Variants in FAAH2 observed in about 807,000 individuals in gnomAD.
The protein encoded by FAAH2 is fatty-acid amide hydrolase 2.
Under a neutral mutation model 36.9 loss-of-function variants are expected in FAAH2, and 60 were observed. That is an observed-to-expected ratio of 1.63 (90% CI 1.32 to 2.02). FAAH2 has a LOEUF of 2.02. Among genes scored for constraint, FAAH2 ranks in the 30% most tolerant of loss-of-function variants. The pLI, the probability that FAAH2 is intolerant of heterozygous loss-of-function variation, is 0.00. For synonymous variants in FAAH2, 214 were observed against 143.8 expected (o/e 1.49, Z -3.49); for missense variants, 689 against 397.5 (o/e 1.73, Z -6.23).
intron 10 of FAAH2, among the ~76,000 whole-genome samples, chrX:57,462,891 A>G (rs2056985307): frequency 1.8e-5 from 2 of 112,000 alleles, no homozygotes; most frequent in Non-Finnish European, 3.8e-5. Flanking sequence ...AGATGACATG[A>G]TTGTATATTT....
At chrX:57,452,453 C>A in intron 10 of FAAH2, 1 of 326,636 alleles carries the variant, frequency 3.1e-6, no homozygotes, top group Non-Finnish European at 4.0e-6. Flanking sequence ...GGTCACCTCC[C>A]CAATTGATAA....
intron 8 of FAAH2, among the ~76,000 whole-genome samples, chrX:57,443,186 G>C (rs2056600936): frequency 8.9e-6 from 1 of 111,757 alleles, no homozygotes; most frequent in South Asian, 3.7e-4. Flanking sequence ...AGTTCTCCTG[G>C]ATAATATCCT....
intron 5 of FAAH2, among the ~76,000 whole-genome samples, chrX:57,370,912 C>A (rs1402774605): frequency 9.0e-6 from 1 of 111,286 alleles, no homozygotes; most frequent in Non-Finnish European, 1.9e-5. Flanking sequence ...CATGAAACCA[C>A]TTCCTGGTGC....
intron 7 of FAAH2, among the ~76,000 whole-genome samples, chrX:57,419,066 C>T (rs2055932125): frequency 9.4e-6 from 1 of 106,806 alleles, no homozygotes; most frequent in Non-Finnish European, 1.9e-5. Context: ...TTTATGGCTG[C>T]ATAGTATTCC....
At chrX:57,240,437 A>T in the FAAH2 span, among the ~76,000 whole-genome samples, 4 of 111,069 alleles carry the variant, frequency 3.6e-5, no homozygotes, top group Non-Finnish European at 7.5e-5. Context: ...TGGCAACAAT[A>T]CTCCAATGGG....
rs1195662490 is a variant in FAAH2 at position 57,331,662 on chromosome X, G to A, written c.477G>A (p.Val159=). 8 of 1,210,461 alleles carry A rather than the reference G, an allele frequency of 6.6e-6. No individual in the cohort carries two copies. Among genetic ancestry groups the A allele is most frequent in the Admixed American group, 6.5e-5 (3 of 46,040 alleles). The change falls in exon 4 of 11, where the codon GTG becomes GTA. Residue 159 remains valine, a synonymous_variant. Transcript: ENST00000374900. The part of the protein sequence containing the change: ...RDAIAKTDAT[V]VALLKGAGAI... ...CCATTGCCAAAACAGATGCCACTGT[G>A]GTGGCATTACTGAAGGGAGCTGGTG...
chrX:57,460,837 A>G (rs1396094794), intron 10 of FAAH2, among the ~76,000 whole-genome samples: 1 of 112,151 alleles, frequency 8.9e-6, no homozygotes, highest in Non-Finnish European at 1.9e-5. Context: ...AAATGCCCCA[A>G]TTAAAAGACA....
At chrX:57,433,643 T>C (rs1401039404) in intron 8 of FAAH2, among the ~76,000 whole-genome samples, 2 of 112,131 alleles carry the variant, frequency 1.8e-5, no homozygotes, top group African/African-American at 6.5e-5. Context: ...CACTCTCTTG[T>C]TTTATAATAT....
At chrX:57,137,348 G>T in the FAAH2 span, 1 of 757,871 alleles carries the variant, frequency 1.3e-6, no homozygotes, top group Non-Finnish European at 1.6e-6. Flanking sequence ...GGGAGGGTAG[G>T]ATCCATAGAT....
At chrX:57,335,770 A>G (rs897877587) in intron 4 of FAAH2, among the ~76,000 whole-genome samples, 2 of 111,870 alleles carry the variant, frequency 1.8e-5, no homozygotes, top group Non-Finnish European at 3.8e-5. Context: ...AGACTATCAC[A>G]TGGGGAGAAA....
chrX:57,329,435 C>T (rs931986444), intron 3 of FAAH2, among the ~76,000 whole-genome samples: 11 of 110,685 alleles, frequency 9.9e-5, no homozygotes, highest in Admixed American at 1.9e-4. Context: ...TGCCTAGTTT[C>T]TGCCGGCAGC....
chrX:57,199,475 T>G, the FAAH2 span, among the ~76,000 whole-genome samples: 1 of 111,739 alleles, frequency 8.9e-6, no homozygotes, highest in Non-Finnish European at 1.9e-5. Context: ...TTTTGAATGC[T>G]TTAAGACTTG....
chrX:57,391,215 ATTAGAC>A (rs2055159565), intron 7 of FAAH2, among the ~76,000 whole-genome samples: 1 of 110,936 alleles, frequency 9.0e-6, no homozygotes, highest in Admixed American at 9.6e-5. Context: ...GACTGTGGAT[ATTAGAC>A]CATTTTCAGA....
the FAAH2 span, among the ~76,000 whole-genome samples, chrX:57,169,020 G>A: frequency 2.7e-5 from 3 of 111,067 alleles, no homozygotes; most frequent in South Asian, 1.1e-3. Context: ...TGCCATCAGG[G>A]TTGGTTTCTG....
the FAAH2 span, among the ~76,000 whole-genome samples, chrX:57,257,721 G>GCCAT: frequency 9.0e-6 from 1 of 111,024 alleles, no homozygotes; most frequent in African/African-American, 3.3e-5. Flanking sequence ...CATACCATTT[G>GCCAT]TAATGGCACC....
At chrX:57,220,203 C>T in the FAAH2 span, among the ~76,000 whole-genome samples, 1 of 109,184 alleles carries the variant, frequency 9.2e-6, no homozygotes, top group Non-Finnish European at 1.9e-5. Flanking sequence ...CTCTTCCTCT[C>T]AACCATCTTC....
chrX:57,422,980 C>T (rs1043317024), intron 7 of FAAH2, among the ~76,000 whole-genome samples: 1 of 111,882 alleles, frequency 8.9e-6, no homozygotes, highest in African/African-American at 3.2e-5. Context: ...AGTGAGTCAC[C>T]AGTGTGTAAG....
At chrX:57,243,140 G>T in the FAAH2 span, among the ~76,000 whole-genome samples, 1 of 111,913 alleles carries the variant, frequency 8.9e-6, no homozygotes, top group African/African-American at 3.2e-5. Flanking sequence ...CTGCCAGGAA[G>T]TTCAAACTGG....
At chrX:57,149,458 A>T in the FAAH2 span, among the ~76,000 whole-genome samples, 2 of 111,514 alleles carry the variant, frequency 1.8e-5, no homozygotes, top group African/African-American at 6.5e-5. Context: ...CTATTCAGAG[A>T]TTCAACTTCT....
Sources: gnomAD v4.1 joint callset for allele counts (sites outside exome capture counted in the v4.1 genomes callset) on GRCh38, gnomAD v4.1.1 for gene constraint, MANE v1.5 for transcripts, NCBI Gene and HGNC (gene_info 2026-07-23, HGNC 2026-07-21) for gene names.